The following NTM variants were observed in gnomAD, a reference collection of about 807,000 sequenced individuals.
NTM encodes IgLON family member 2.
NTM carries 13 observed loss-of-function variants against 42.1 expected under a neutral mutation model. The ratio of observed to expected loss-of-function variants is 0.31; its 90% CI spans 0.20 to 0.49. The LOEUF is 0.49. NTM is among the 20% of genes least tolerant of loss of function. NTM has a pLI of 0.99. For synonymous variants in NTM, 187 were observed against 179.2 expected (o/e 1.04, Z -0.35); for missense variants, 373 against 452.8 (o/e 0.82, Z 1.60).
intron 1 of NTM, among the ~76,000 whole-genome samples, chr11:131,647,376 C>A (rs1331279490): frequency 2.6e-5 from 4 of 152,184 alleles, no homozygotes; most frequent in African/African-American, 7.2e-5. Flanking sequence ...GCATCTCTAA[C>A]CTTCGGGGAT....
At chr11:132,108,590 G>A (rs2062727267) in intron 2 of NTM, among the ~76,000 whole-genome samples, 1 of 152,014 alleles carries the variant, frequency 6.6e-6, no homozygotes, top group South Asian at 2.1e-4. Flanking sequence ...TACACTGTTC[G>A]GGTGATTGGT....
intron 3 of NTM, among the ~76,000 whole-genome samples, chr11:132,207,993 G>A (rs979537615): frequency 6.6e-6 from 1 of 152,166 alleles, no homozygotes; most frequent in Non-Finnish European, 1.5e-5. Flanking sequence ...TTTAGTTTAT[G>A]TCTCTAATGC....
intron 1 of NTM, among the ~76,000 whole-genome samples, chr11:131,644,297 G>C (rs1265445995): frequency 6.6e-6 from 1 of 152,176 alleles, no homozygotes; most frequent in Non-Finnish European, 1.5e-5. Flanking sequence ...ATGAATATAT[G>C]TGATTATACC....
At position 131,432,567 on chromosome 11, in the gene NTM, G is replaced by A. The variant is rs560423986; in HGVS notation, c.82+61679G>A. 7.9e-5 allele frequency among the ~76,000 whole-genome samples: 12 copies of A among 152,238 alleles called. No individual in the cohort carries two copies. In the South Asian group the frequency reaches 1.9e-3, roughly 24 times the overall value. On this transcript the variant is annotated intron_variant, in intron 1 of 8. Transcript: ENST00000683400. ...AGACACAGTACAGTGGGGCTGCGGG[G>A]ACTAGGGGTCAGAGGACCTCAAGTC... is the stretch of plus-strand genomic sequence containing the variant.
chr11:131,385,652 T>C (rs147039701), intron 1 of NTM, among the ~76,000 whole-genome samples: 1 of 152,246 alleles, frequency 6.6e-6, no homozygotes, highest in African/African-American at 2.4e-5. Flanking sequence ...CAAGAGTTCA[T>C]GACCAGCCTG....
At chr11:132,249,744 T>C (rs1209667229) in intron 4 of NTM, among the ~76,000 whole-genome samples, 1 of 152,252 alleles carries the variant, frequency 6.6e-6, no homozygotes, top group African/African-American at 2.4e-5. Flanking sequence ...GTGAAGGTCA[T>C]GGCCTCCAGC....
intron 1 of NTM, among the ~76,000 whole-genome samples, chr11:131,374,875 A>G (rs1941750504): frequency 6.6e-6 from 1 of 152,108 alleles, no homozygotes; most frequent in African/African-American, 2.4e-5. Context: ...TTGCCATTCA[A>G]TCATAGTAGA....
chr11:131,753,332 G>A (rs1221497276), intron 1 of NTM, among the ~76,000 whole-genome samples: 1 of 151,766 alleles, frequency 6.6e-6, no homozygotes, highest in Non-Finnish European at 1.5e-5. Context: ...AGTCAGTGTG[G>A]CGATTCCTCA....
In NTM at chr11:132,166,398, T is replaced by C. The variant is rs192550282; in HGVS notation, c.400+19884T>C. On this transcript the variant is annotated intron_variant, in intron 3 of 8. Coordinates refer to ENST00000683400, the MANE Select transcript of NTM (RefSeq NM_001352005.2). The stretch of plus-strand genomic sequence containing the variant: ...GGGTATGAATTAACCACAACACTGT[T>C]TGGCACCCAGGATTTCAGGATTCTA... Among the ~76,000 whole-genome samples, 10 of 152,238 alleles carry C rather than the reference T, an allele frequency of 6.6e-5. No individual in the cohort carries two copies. The East Asian group carries it at 1.7e-3, about 27-fold the overall frequency.
chr11:131,722,203 A>G (rs1350704839), intron 1 of NTM, among the ~76,000 whole-genome samples: 2 of 152,148 alleles, frequency 1.3e-5, no homozygotes, highest in South Asian at 4.1e-4. Flanking sequence ...TCTGGTCTCT[A>G]TCAAAACCAC....
At chr11:131,824,976 T>G (rs2041959334) in intron 1 of NTM, among the ~76,000 whole-genome samples, 1 of 152,106 alleles carries the variant, frequency 6.6e-6, no homozygotes, top group African/African-American at 2.4e-5. Flanking sequence ...AGTAAAGTAT[T>G]GCGAAATGGA....
At chr11:131,940,319 A>C (rs2059660594) in intron 2 of NTM, among the ~76,000 whole-genome samples, 1 of 152,170 alleles carries the variant, frequency 6.6e-6, no homozygotes, top group African/African-American at 2.4e-5. Context: ...AAATATTATC[A>C]GCTCCTCCCA....
chr11:131,545,398 C>T (rs1176842092), intron 1 of NTM, among the ~76,000 whole-genome samples: 1 of 151,758 alleles, frequency 6.6e-6, no homozygotes, highest in Non-Finnish European at 1.5e-5. Flanking sequence ...CATTCTCTTT[C>T]CTTTCCTTTT....
At chr11:131,764,810 C>A (rs1306746206) in intron 1 of NTM, among the ~76,000 whole-genome samples, 1 of 152,142 alleles carries the variant, frequency 6.6e-6, no homozygotes, top group Non-Finnish European at 1.5e-5. Context: ...TCCTCACCCT[C>A]CCAGGAGCTC....
chr11:132,005,803 A>G (rs2070634221), intron 2 of NTM, among the ~76,000 whole-genome samples: 1 of 152,174 alleles, frequency 6.6e-6, no homozygotes, highest in Admixed American at 6.5e-5. Context: ...TTTCCTTAGC[A>G]TACATTATTA....
chr11:131,824,944 G>A (rs565896132), intron 1 of NTM, among the ~76,000 whole-genome samples: 4 of 152,174 alleles, frequency 2.6e-5, no homozygotes, highest in African/African-American at 9.7e-5. Context: ...CGGCATGTAC[G>A]TTAGTTTGCT....
At chr11:132,294,206 CAT>C (rs1174045641) in intron 4 of NTM, among the ~76,000 whole-genome samples, 31 of 152,144 alleles carry the variant, frequency 2.0e-4, no homozygotes, top group Admixed American at 2.0e-3. Context: ...CTTCAGCAAT[CAT>C]GTGTGTTCTG....
At chr11:131,843,016 T>A (rs924589419) in intron 1 of NTM, among the ~76,000 whole-genome samples, 10 of 151,708 alleles carry the variant, frequency 6.6e-5, no homozygotes, top group Admixed American at 2.6e-4. Context: ...TCTCAAAAAA[T>A]AAATAAATAA....
At chr11:131,718,689 G>A (rs1038317954) in intron 1 of NTM, among the ~76,000 whole-genome samples, 20 of 152,086 alleles carry the variant, frequency 1.3e-4, no homozygotes, top group Admixed American at 1.0e-3. Context: ...GATCTCAGGA[G>A]TTCTCTGTGC....
Sources: gnomAD v4.1 joint callset for allele counts (sites outside exome capture counted in the v4.1 genomes callset) on GRCh38, gnomAD v4.1.1 for gene constraint, MANE v1.5 for transcripts, NCBI Gene and HGNC (gene_info 2026-07-23, HGNC 2026-07-21) for gene names.